Variants in CEACAM20 observed in about 807,000 individuals in gnomAD.
CEACAM20 encodes CEA cell adhesion molecule 20, also known as cell adhesion molecule CEACAM20.
CEACAM20 carries 50 observed loss-of-function variants against 61.2 expected under a neutral mutation model. The observed-to-expected ratio is 0.82, with a 90% CI of 0.65 to 1.03. CEACAM20 has a LOEUF of 1.03. Among genes scored for constraint, CEACAM20 ranks in the 50% least tolerant of loss-of-function variants. The probability of loss-of-function intolerance (pLI) is 0.00; values close to 1 mark genes in which losing one functional copy is unlikely to be tolerated. For synonymous variants in CEACAM20, 282 were observed against 287.7 expected (o/e 0.98, Z 0.20); for missense variants, 683 against 736.4 (o/e 0.93, Z 0.84).
chr19:44,511,126 G>T lies in CEACAM20; in HGVS notation c.1641C>A (p.Gly547=), dbSNP rs1464152403. Reference sequence around the variant, plus strand: ...GTGGCTTCCAGGGGCTGAAAGAATTGCCTCTACGGCTTGCTGAAGGCAGCT... The same window carrying T: ...GTGGCTTCCAGGGGCTGAAAGAATTTCCTCTACGGCTTGCTGAAGGCAGCT... ...ETKLPSASRR[G]NSFSPWKPPP... is the part of the protein sequence containing the mutation. Residue 547 remains glycine, a synonymous_variant, in exon 11 of 12, where the codon GGC becomes GGA. Transcript: ENST00000614924. The T allele has an allele frequency of 6.2e-7, 1 of 1,613,804 alleles. No homozygotes were observed. Among genetic ancestry groups the T allele is most frequent in the Non-Finnish European group, 8.5e-7 (1 of 1,179,870 alleles).
Position 44,506,164 on chromosome 19 carries a change from G to A in CEACAM20, c.1788C>T (p.Val596=). ...PNTYIQINPS[V] is the part of the protein sequence containing the mutation. ...GGAGAAAAGATCTCTGCTTCCATTAGACGGAGGGGTTGATTTGGATGTAAG... is the reference window on the plus strand; with the variant it reads ...GGAGAAAAGATCTCTGCTTCCATTAAACGGAGGGGTTGATTTGGATGTAAG... Residue 596 remains valine (V), a synonymous_variant, in exon 12 of 12, where the codon GTC becomes GTT. Transcript: ENST00000614924. The A allele has an allele frequency of 6.2e-7, 1 of 1,613,376 alleles. No homozygotes were observed. The highest frequency in any genetic ancestry group is 8.5e-7 in the Non-Finnish European group (1 of 1,179,392).
intron 5 of CEACAM20, 23 bp downstream of exon 5, chr19:44,520,451 G>T: frequency 6.2e-7 from 1 of 1,601,782 alleles, no homozygotes; most frequent in South Asian, 1.1e-5. Context: ...AGATGGGGAA[G>T]GTCCAGGCCC....
At chr19:44,516,850 A>T in intron 6 of CEACAM20, 96 bp downstream of exon 6, 1 of 1,396,118 alleles carries the variant, frequency 7.2e-7, no homozygotes, top group Non-Finnish European at 9.7e-7. Context: ...GGAGACTGCC[A>T]CACTCCAGCC....
chr19:44,518,243 G>T (rs1971254556), intron 5 of CEACAM20, among the ~76,000 whole-genome samples: 1 of 151,160 alleles, frequency 6.6e-6, no homozygotes, highest in Non-Finnish European at 1.5e-5. Flanking sequence ...AGAAAGGAAG[G>T]AAGGAAGGAA....
chr19:44,525,842 T>C (rs1971515034), intron 1 of CEACAM20, among the ~76,000 whole-genome samples: 1 of 152,200 alleles, frequency 6.6e-6, no homozygotes, highest in Admixed American at 6.5e-5. Flanking sequence ...GCAATGAATA[T>C]TGGCAAACTT....
chr19:44,515,746 T>C (rs1408340622), intron 6 of CEACAM20, among the ~76,000 whole-genome samples: 1 of 152,122 alleles, frequency 6.6e-6, no homozygotes, highest in Non-Finnish European at 1.5e-5. Flanking sequence ...GGACGATCAC[T>C]TGAGCCCAGG....
intron 3 of CEACAM20, 37 bp downstream of exon 3, chr19:44,523,949 G>C: frequency 6.5e-7 from 1 of 1,527,042 alleles, no homozygotes; most frequent in African/African-American, 1.4e-5. Context: ...GCAAGTGAGT[G>C]TCAGTGAGGG....
In CEACAM20 at chr19:44,524,596, T is replaced by C. The variant is rs1356947167; in HGVS notation, c.197-335A>G. 2.6e-5 allele frequency among the ~76,000 whole-genome samples: 4 copies of C among 152,210 alleles called. No homozygotes were observed. The East Asian group carries it at 7.7e-4, about 29-fold the overall frequency. On this transcript the variant is annotated intron_variant, in intron 2 of 11. Coordinates refer to ENST00000614924, the MANE Select transcript of CEACAM20 (RefSeq NM_001102597.3). ...GCCCCCTACCCACTCTTTTTCTTTA[T>C]TGAAACAGGGTTTCATTCTGTCACC...
chr19:44,508,282 T>C (rs1817366371), intron 11 of CEACAM20, among the ~76,000 whole-genome samples: 1 of 152,242 alleles, frequency 6.6e-6, no homozygotes, highest in Admixed American at 6.5e-5. Flanking sequence ...ACTTGCATTC[T>C]CTAAAATAAT....
At chr19:44,513,052 A>G (rs1971049871) in intron 7 of CEACAM20, 99 bp from the exon 8 acceptor site, 2 of 1,312,134 alleles carry the variant, frequency 1.5e-6, no homozygotes, top group African/African-American at 1.5e-5. Flanking sequence ...AATGCCCACA[A>G]CCCTCTGAAT....
rs1971018925 is a variant in CEACAM20 at position 44,512,066 on chromosome 19, G to A, written c.1526C>T (p.Pro509Leu). 8.7e-6 allele frequency: 14 copies of A among 1,608,118 alleles called. No homozygotes were observed. Among genetic ancestry groups the A allele is most frequent in the Non-Finnish European group, 1.2e-5 (14 of 1,177,302 alleles). ...PTEPSSESLS[P>L]EYRNISQLQG... ...AAGCTGGGATATATTGCGATACTCA[G>A]GACTCAGGCTTTCTAGAAAAAGTGA... Residue 509 changes from proline (P) to leucine (L), a missense_variant, in exon 9 of 12, where the codon CCT (proline) becomes CTT (leucine). Transcript: ENST00000614924.
intron 1 of CEACAM20, 34 bp downstream of exon 1, chr19:44,529,424 C>A: frequency 1.2e-6 from 2 of 1,604,018 alleles, no homozygotes; most frequent in Non-Finnish European, 1.7e-6. Context: ...TACAACCTCC[C>A]TCCTCCCGCA....
chr19:44,510,480 T>C (rs1467846640), intron 11 of CEACAM20, among the ~76,000 whole-genome samples: 1 of 145,378 alleles, frequency 6.9e-6, no homozygotes, highest in Non-Finnish European at 1.5e-5. Context: ...GTCACTGCAC[T>C]CCAGTCTGGG....
chr19:44,518,019 T>C (rs1268205078), intron 5 of CEACAM20, among the ~76,000 whole-genome samples: 1 of 150,842 alleles, frequency 6.6e-6, no homozygotes, highest in Non-Finnish European at 1.5e-5. Context: ...GAAGTTGCAG[T>C]GAGGCAAGAT....
chr19:44,517,263 T>C (rs371249756), intron 5 of CEACAM20, 39 bp from the exon 6 acceptor site: 41 of 1,588,454 alleles, frequency 2.6e-5, no homozygotes, highest in East Asian at 9.0e-5. Context: ...CTGGCCCCCA[T>C]CAGCGAGTCA....
At chr19:44,522,087 G>A (rs78305172) in intron 4 of CEACAM20, among the ~76,000 whole-genome samples, 1,808 of 152,048 alleles carry the variant, frequency 0.012, 15 homozygotes, top group Non-Finnish European at 0.02. Flanking sequence ...TGGGGTATTG[G>A]TGTAGCTCAC....
intron 1 of CEACAM20, among the ~76,000 whole-genome samples, chr19:44,526,228 A>T (rs375873605): frequency 1.3e-5 from 2 of 152,154 alleles, no homozygotes; most frequent in African/African-American, 4.8e-5. Flanking sequence ...CCAGTTTTCA[A>T]CGGGGTGTGG....
In CEACAM20 at chr19:44,513,106, G is replaced by T. The variant is rs189634421; in HGVS notation, c.1427+66C>A. The T allele has an allele frequency of 1.8e-5, 25 of 1,380,770 alleles. 1 individual carries two copies. In the Admixed American group the frequency reaches 2.7e-4, roughly 15 times the overall value. The allele number at this position is 1,380,770 out of a possible 1,614,324, so 85.5% of individuals were successfully genotyped here. On this transcript the variant is annotated intron_variant, in intron 7 of 11. Transcript: ENST00000614924. ...GACTCAGCACCATGGTCAGCAACACGCCCGGCAAGCGCCCCCTGCTGGCCA... is the reference window on the plus strand; with the variant it reads ...GACTCAGCACCATGGTCAGCAACACTCCCGGCAAGCGCCCCCTGCTGGCCA...
chr19:44,511,966 T>C (rs377370192), intron 9 of CEACAM20, 51 bp downstream of exon 9: 33 of 1,526,986 alleles, frequency 2.2e-5, no homozygotes, highest in East Asian at 4.6e-5. Context: ...AGTAAGACTA[T>C]AGCAGCCTGG....
Sources: gnomAD v4.1 joint callset for allele counts (sites outside exome capture counted in the v4.1 genomes callset) on GRCh38, gnomAD v4.1.1 for gene constraint, MANE v1.5 for transcripts, NCBI Gene and HGNC (gene_info 2026-07-23, HGNC 2026-07-21) for gene names.